Variants in HACE1 observed in about 807,000 individuals in gnomAD.
HACE1 encodes E3 ubiquitin-protein ligase HACE1.
In HACE1, 73 loss-of-function variants were observed where a neutral mutation model predicts 118.4. That is an observed-to-expected ratio of 0.62 (90% CI 0.51 to 0.75). The LOEUF (loss-of-function observed/expected upper bound fraction) is 0.75. Ranked by LOEUF, HACE1 falls within the 30% of genes least tolerant of loss-of-function variation. The probability of loss-of-function intolerance (pLI) is 0.00; values close to 1 mark genes in which losing one functional copy is unlikely to be tolerated. For synonymous variants in HACE1, 368 were observed against 374.8 expected, an observed-to-expected ratio of 0.98 and a Z score of 0.21; for missense variants, 749 against 1,102.2, an observed-to-expected ratio of 0.68 and a Z score of 4.54.
intron 19 of HACE1, among the ~76,000 whole-genome samples, chr6:104,753,091 C>G (rs1219184624): frequency 6.6e-6 from 1 of 152,158 alleles, no homozygotes; most frequent in Admixed American, 6.5e-5. Flanking sequence ...AACAGTACAC[C>G]TTCAAACATA....
At chr6:104,791,473 T>C (rs1259748300) in intron 11 of HACE1, 31 bp downstream of exon 11, 1 of 1,576,098 alleles carries the variant, frequency 6.3e-7, no homozygotes, top group Non-Finnish European at 8.7e-7. Context: ...TTTACGTCTA[T>C]CTTCCTAACA....
chr6:104,817,904 A>T (rs1321981127), intron 6 of HACE1, among the ~76,000 whole-genome samples: 1 of 152,198 alleles, frequency 6.6e-6, no homozygotes, highest in Non-Finnish European at 1.5e-5. Context: ...AAAAGTCATA[A>T]ACTGAGAAAG....
intron 20 of HACE1, among the ~76,000 whole-genome samples, chr6:104,748,668 A>G (rs1040623872): frequency 1.3e-5 from 2 of 152,206 alleles, no homozygotes; most frequent in Non-Finnish European, 2.9e-5. Flanking sequence ...AAAAGTACCC[A>G]CTAAATGTTC....
intron 7 of HACE1, among the ~76,000 whole-genome samples, chr6:104,799,609 T>G (rs1298601808): frequency 6.6e-6 from 1 of 152,234 alleles, no homozygotes; most frequent in African/African-American, 2.4e-5. Context: ...TTGCTCGAGA[T>G]GAACAGTTAC....
In HACE1 at chr6:104,728,095, C is replaced by T. The variant is rs1367002797; in HGVS notation, c.*1567G>A. 4 of 152,014 alleles carry T rather than the reference C, an allele frequency of 2.6e-5. No individual in the cohort carries two copies. The highest frequency in any genetic ancestry group is 5.9e-5 in the Non-Finnish European group (4 of 68,000). 9.4% of individuals were successfully genotyped at this position (152,014 alleles called of 1,614,324 possible). ...GATTACAGACATAAGCCACCACACT[C>T]AGTTATTTAATATTTTATTATCTAT... is the stretch of plus-strand genomic sequence containing the variant. On this transcript the variant is annotated 3_prime_UTR_variant, in exon 24 of 24. Coordinates refer to ENST00000262903, the MANE Select transcript of HACE1 (RefSeq NM_020771.4).
chr6:104,857,650 A>G (rs1776857406), intron 1 of HACE1, among the ~76,000 whole-genome samples: 1 of 151,374 alleles, frequency 6.6e-6, no homozygotes, highest in South Asian at 2.1e-4. Flanking sequence ...CTATTGAAGA[A>G]TACAAAAAAA....
rs765859242 is a variant in HACE1, at chr6:104,850,951, A to G, written c.177T>C (p.Tyr59=). The part of the protein sequence containing the change: ...LLSNSKFDVN[Y]AFGRVKRSLL... ...AGCTTCTTTTCACACGTCCGAATGC[A>G]TAATTGACATCAAATTTTGAATTTG... Residue 59 remains tyrosine, a synonymous_variant, in exon 3 of 24, where the codon TAT becomes TAC. Transcript: ENST00000262903. 2 of 1,610,544 alleles carry G rather than the reference A, an allele frequency of 1.2e-6. No homozygotes were observed. Among genetic ancestry groups the G allele is most frequent in the South Asian group, 2.2e-5 (2 of 90,994 alleles).
At chr6:104,737,282 CAAAAAAAAAAAAAAA>C (rs59915070) in intron 22 of HACE1, among the ~76,000 whole-genome samples, 5 of 42,714 alleles carry the variant, frequency 1.2e-4, no homozygotes, top group East Asian at 7.0e-4. Flanking sequence ...GACTCTCTCT[CAAAAAAAAAAAAAAA>C]AAAAAAAAAA....
chr6:104,825,031 T>G (rs1173431096), intron 6 of HACE1: 1 of 143,678 alleles, frequency 7.0e-6, no homozygotes, highest in African/African-American at 2.6e-5. Context: ...TGCAGTGAGC[T>G]GAGATGCGCC....
In HACE1 at chr6:104,777,070, T is replaced by G. The variant is rs762147663; in HGVS notation, c.1719A>C (p.Ala573=). 1 of 1,613,020 alleles carries G rather than the reference T, an allele frequency of 6.2e-7. No homozygotes were observed. The highest frequency in any genetic ancestry group is 8.5e-7 in the Non-Finnish European group (1 of 1,179,202). Residue 573 remains alanine, a synonymous_variant, in exon 16 of 24, where the codon GCA becomes GCC. Transcript: ENST00000262903. ...TCCCTTGCTTTAGCTTTGCACAATT[T>G]GCTTTTGACACAACTTCACAGCTAC... ...FRSSCEVVSK[A]NCAKLKQGIA... is the part of the protein sequence containing the mutation.
chr6:104,734,891 G>A (rs1775644508), intron 22 of HACE1, among the ~76,000 whole-genome samples: 1 of 151,982 alleles, frequency 6.6e-6, no homozygotes, highest in East Asian at 1.9e-4. Context: ...ACCAAATCAT[G>A]GGGAAAATAT....
At chr6:104,816,727 C>T (rs767117543) in intron 6 of HACE1, among the ~76,000 whole-genome samples, 7 of 152,110 alleles carry the variant, frequency 4.6e-5, no homozygotes, top group Non-Finnish European at 8.8e-5. Flanking sequence ...ATAGGAGACC[C>T]ACTGACAGCT....
intron 19 of HACE1, among the ~76,000 whole-genome samples, chr6:104,761,933 C>T (rs998010844): frequency 6.6e-6 from 1 of 152,138 alleles, no homozygotes; most frequent in Non-Finnish European, 1.5e-5. Flanking sequence ...ATGCACCCAA[C>T]AGACACATGA....
At position 104,771,106 on chromosome 6, in the gene HACE1, T is replaced by C. The variant is rs1045844911; in HGVS notation, c.2211+87A>G. 31 of 937,656 alleles carry C rather than the reference T, an allele frequency of 3.3e-5. 1 individual carries two copies. Among genetic ancestry groups the C allele is most frequent in the South Asian group, 2.9e-4 (22 of 76,332 alleles). 58.1% of individuals were successfully genotyped at this position (937,656 alleles called of 1,614,324 possible). A position where few individuals can be genotyped will look rare whatever the true frequency, so the allele number is the denominator to read the frequency against. On this transcript the variant is annotated intron_variant, in intron 19 of 23. Coordinates refer to ENST00000262903, the MANE Select transcript of HACE1 (RefSeq NM_020771.4). ...GATACTGTAATAGTAAAAGTTTTTC[T>C]ACAAGTGCCAGAAGAATTTAGAGTA...
At chr6:104,777,151 A>G (rs1781304241) in intron 15 of HACE1, 41 bp from the exon 16 acceptor site, 2 of 1,562,290 alleles carry the variant, frequency 1.3e-6, no homozygotes, top group East Asian at 4.5e-5. Context: ...ATTAAAATTT[A>G]TAATAAAAAG....
At chr6:104,744,427 G>T (rs1043918599) in intron 21 of HACE1, 85 bp downstream of exon 21, 5 of 868,374 alleles carry the variant, frequency 5.8e-6, no homozygotes, top group Non-Finnish European at 9.9e-6. Context: ...GTTAATTAAT[G>T]TAAGTTTTCA....
intron 5 of HACE1, among the ~76,000 whole-genome samples, chr6:104,835,538 CAAAGAAAAGAAATGAGAA>C (rs1774444988): frequency 8.5e-6 from 1 of 117,372 alleles, no homozygotes; most frequent in South Asian, 3.1e-4. Flanking sequence ...CCTAAAAGTA[CAAAGAAAAGAAATGAGAA>C]AAAGTAGGAA....
intron 6 of HACE1, among the ~76,000 whole-genome samples, chr6:104,827,295 C>T (rs995867818): frequency 6.6e-6 from 1 of 151,930 alleles, no homozygotes; most frequent in Non-Finnish European, 1.5e-5. Context: ...TAAAAGGAGA[C>T]CAAACAACAA....
chr6:104,827,424 C>T (rs1773449171), intron 6 of HACE1, among the ~76,000 whole-genome samples: 1 of 152,172 alleles, frequency 6.6e-6, no homozygotes, highest in Admixed American at 6.5e-5. Flanking sequence ...CTGGTTTACA[C>T]ATGTCTTCTC....
Sources: allele counts gnomAD v4.1 joint callset (sites outside exome capture counted in the v4.1 genomes callset), GRCh38; gene constraint gnomAD v4.1.1; transcripts MANE v1.5; gene names NCBI Gene and HGNC (gene_info 2026-07-23, HGNC 2026-07-21).